Variants in LINGO2 observed in about 807,000 individuals in gnomAD.
LINGO2 encodes the protein leucine-rich repeat and immunoglobulin-like domain-containing nogo receptor-interacting protein 2.
LINGO2 carries 14 observed loss-of-function variants against 30.6 expected under a neutral mutation model. The ratio of observed to expected loss-of-function variants is 0.46; its 90% CI spans 0.30 to 0.72. LINGO2 has a LOEUF of 0.72. Among genes scored for constraint, LINGO2 ranks in the 30% least tolerant of loss-of-function variants. LINGO2 has a pLI of 0.07. For missense variants in LINGO2, 729 were observed against 751.7 expected, an observed-to-expected ratio of 0.97 and a Z score of 0.35; for synonymous variants, 317 against 288.5, an observed-to-expected ratio of 1.10 and a Z score of -1.00.
At chr9:29,188,575 A>C in the LINGO2 span, among the ~76,000 whole-genome samples, 31 of 152,060 alleles carry the variant, frequency 2.0e-4, no homozygotes, top group Admixed American at 2.0e-3. Flanking sequence ...GCCCGTTCTC[A>C]ATGAGCTGTT....
chr9:28,946,918 T>C, the LINGO2 span, among the ~76,000 whole-genome samples: 1 of 152,066 alleles, frequency 6.6e-6, no homozygotes, highest in East Asian at 1.9e-4. Context: ...CAGGATAGAC[T>C]TGTTTGAAAT....
the LINGO2 span, among the ~76,000 whole-genome samples, chr9:29,152,295 C>A: frequency 1.3e-5 from 2 of 152,142 alleles, no homozygotes; most frequent in Admixed American, 6.5e-5. Flanking sequence ...ATCAACCCAA[C>A]ATTCTCATTA....
intron 3 of LINGO2, among the ~76,000 whole-genome samples, chr9:28,302,688 C>T (rs576790094): frequency 2.0e-5 from 3 of 152,074 alleles, no homozygotes; most frequent in African/African-American, 7.2e-5. Flanking sequence ...TATATTATAA[C>T]CCCTTTCAGC....
intron 4 of LINGO2, among the ~76,000 whole-genome samples, chr9:28,258,549 A>G (rs1280048815): frequency 3.3e-5 from 5 of 151,948 alleles, no homozygotes; most frequent in African/African-American, 1.2e-4. Context: ...TCTTCCTGTA[A>G]TATTATGCTC....
Position 28,058,810 on chromosome 9 carries a change from A to G in LINGO2, c.-86-46405T>C, listed in dbSNP as rs1825046439. On this transcript the variant is annotated intron_variant, in intron 4 of 5. Transcript: ENST00000379992. ...CTGGGATTAATGATAGTATAAAGAC[A>G]TTGCAATTTCTAAGATATTAAAAAT... 2.0e-5 allele frequency among the ~76,000 whole-genome samples: 3 copies of G among 152,156 alleles called. 1 individual carries two copies. The highest frequency in any genetic ancestry group is 7.2e-5 in the African/African-American group (3 of 41,428).
chr9:28,493,380 G>A (rs1826479435), intron 1 of LINGO2, among the ~76,000 whole-genome samples: 1 of 152,088 alleles, frequency 6.6e-6, no homozygotes, highest in Non-Finnish European at 1.5e-5. Flanking sequence ...TGTTAGTAAA[G>A]ATAACAAGTG....
At chr9:28,351,430 C>A (rs957522653) in intron 3 of LINGO2, among the ~76,000 whole-genome samples, 1 of 151,768 alleles carries the variant, frequency 6.6e-6, no homozygotes, top group Non-Finnish European at 1.5e-5. Flanking sequence ...GACACATACG[C>A]TCTCCCAAGA....
the LINGO2 span, among the ~76,000 whole-genome samples, chr9:28,799,289 T>C: frequency 6.6e-6 from 1 of 152,152 alleles, no homozygotes; most frequent in African/African-American, 2.4e-5. Context: ...ATCGTCAGTA[T>C]AGTCTAATGA....
chr9:28,388,780 T>A (rs1191678323), intron 2 of LINGO2, among the ~76,000 whole-genome samples: 1 of 152,190 alleles, frequency 6.6e-6, no homozygotes, highest in Non-Finnish European at 1.5e-5. Context: ...GATGCCTGAG[T>A]CAAATGTGAA....
the LINGO2 span, among the ~76,000 whole-genome samples, chr9:29,209,260 T>C: frequency 6.6e-6 from 1 of 152,124 alleles, no homozygotes; most frequent in African/African-American, 2.4e-5. Flanking sequence ...GGCAGTGAAG[T>C]TGCAGCGAGA....
intron 4 of LINGO2, among the ~76,000 whole-genome samples, chr9:28,155,206 G>T (rs1446130096): frequency 6.6e-6 from 1 of 152,164 alleles, no homozygotes; most frequent in Admixed American, 6.5e-5. Context: ...ATTCTTTTAT[G>T]CTTAGACTTC....
chr9:28,381,653 C>G (rs1429084082), intron 2 of LINGO2, among the ~76,000 whole-genome samples: 1 of 152,074 alleles, frequency 6.6e-6, no homozygotes, highest in Admixed American at 6.6e-5. Flanking sequence ...TATTCTTTGA[C>G]TATAATCTTG....
chr9:29,157,754 A>G, the LINGO2 span, among the ~76,000 whole-genome samples: 3 of 152,124 alleles, frequency 2.0e-5, no homozygotes, highest in African/African-American at 7.2e-5. Context: ...CTTGTATAAT[A>G]CAATAATTCC....
chr9:29,045,917 T>C, the LINGO2 span, among the ~76,000 whole-genome samples: 3 of 152,162 alleles, frequency 2.0e-5, no homozygotes, highest in Admixed American at 6.5e-5. Flanking sequence ...GTGAATGGGA[T>C]TGTGTTTCTG....
chr9:28,354,350 C>A (rs955694105), intron 3 of LINGO2, among the ~76,000 whole-genome samples: 3 of 152,076 alleles, frequency 2.0e-5, no homozygotes, highest in African/African-American at 7.2e-5. Flanking sequence ...TAACCTATTG[C>A]TTCAGAAATA....
the LINGO2 span, among the ~76,000 whole-genome samples, chr9:28,751,561 T>C: frequency 6.6e-6 from 1 of 152,026 alleles, no homozygotes; most frequent in African/African-American, 2.4e-5. Flanking sequence ...TATTATTTAG[T>C]TTTCAGTGAA....
the LINGO2 span, among the ~76,000 whole-genome samples, chr9:29,129,040 T>C: frequency 6.6e-6 from 1 of 152,156 alleles, no homozygotes; most frequent in Non-Finnish European, 1.5e-5. Context: ...CTTTGCTAGA[T>C]ACTGTGAGAT....
the LINGO2 span, among the ~76,000 whole-genome samples, chr9:28,972,816 T>C: frequency 6.6e-6 from 1 of 152,136 alleles, no homozygotes; most frequent in African/African-American, 2.4e-5. Flanking sequence ...GAACCACTCT[T>C]TCTAAAACCA....
At chr9:28,610,113 G>A (rs1825854793) in intron 1 of LINGO2, among the ~76,000 whole-genome samples, 1 of 152,092 alleles carries the variant, frequency 6.6e-6, no homozygotes, top group South Asian at 2.1e-4. Flanking sequence ...CTGTTTATAT[G>A]ACATGATTCT....
Sources: gnomAD v4.1 joint callset for allele counts (sites outside exome capture counted in the v4.1 genomes callset) on GRCh38, gnomAD v4.1.1 for gene constraint, MANE v1.5 for transcripts, NCBI Gene and HGNC (gene_info 2026-07-23, HGNC 2026-07-21) for gene names.